Variants in RHBDL3 observed in about 807,000 individuals in gnomAD.
RHBDL3 encodes the protein rhomboid like 3.
Under a neutral mutation model 48.2 loss-of-function variants are expected in RHBDL3, and 28 were observed. That is an observed-to-expected ratio of 0.58 (90% CI 0.43 to 0.80). The LOEUF is 0.80. Among genes scored for constraint, RHBDL3 ranks in the 30% least tolerant of loss-of-function variants. RHBDL3 has a pLI of 0.00. For missense variants in RHBDL3, 464 were observed against 542.7 expected (o/e 0.85, Z 1.44); for synonymous variants, 208 against 232.3 (o/e 0.90, Z 0.95).
At chr17:32,310,722 T>A (rs60502471) in intron 7 of RHBDL3, among the ~76,000 whole-genome samples, 831 of 35,462 alleles carry the variant, frequency 0.023, 36 homozygotes, top group Middle Eastern at 0.071. Flanking sequence ...AAAAAAAATA[T>A]ATATATAAAA....
At chr17:32,303,597 C>G (rs2040637622) in intron 6 of RHBDL3, among the ~76,000 whole-genome samples, 1 of 152,170 alleles carries the variant, frequency 6.6e-6, no homozygotes, top group Non-Finnish European at 1.5e-5. Context: ...TATAGTTGCC[C>G]TGGAAGGGGA....
intron 6 of RHBDL3, 56 bp from the exon 7 acceptor site, chr17:32,305,285 G>T (rs1597672824): frequency 1.7e-6 from 2 of 1,189,126 alleles, no homozygotes; most frequent in East Asian, 2.3e-5. Context: ...CCTGGGGCTG[G>T]GTTGGGTGAG....
At chr17:32,297,266 G>A (rs1274592741) in intron 5 of RHBDL3, among the ~76,000 whole-genome samples, 1 of 150,722 alleles carries the variant, frequency 6.6e-6, no homozygotes, top group African/African-American at 2.4e-5. Context: ...TCAGGAGTTC[G>A]AGACCAGCCT....
intron 2 of RHBDL3, among the ~76,000 whole-genome samples, chr17:32,278,918 GGAGTTCAA>G (rs772817058): frequency 3.9e-5 from 6 of 152,120 alleles, no homozygotes; most frequent in Non-Finnish European, 5.9e-5. Flanking sequence ...CTTGAGGCCA[GGAGTTCAA>G]GACCAGCCTG....
At chr17:32,303,085 A>C (rs1396133872) in intron 6 of RHBDL3, among the ~76,000 whole-genome samples, 1 of 152,090 alleles carries the variant, frequency 6.6e-6, no homozygotes, top group Non-Finnish European at 1.5e-5. Flanking sequence ...CCACAATCCT[A>C]CGCTGACCCC....
At chr17:32,290,137 G>A (rs1011877927) in intron 4 of RHBDL3, among the ~76,000 whole-genome samples, 2 of 152,188 alleles carry the variant, frequency 1.3e-5, no homozygotes, top group Admixed American at 6.5e-5. Context: ...GGACAGAACG[G>A]CTCCTCAGAG....
intron 7 of RHBDL3, among the ~76,000 whole-genome samples, chr17:32,312,586 C>T (rs1439650337): frequency 6.6e-6 from 1 of 152,090 alleles, no homozygotes; most frequent in Non-Finnish European, 1.5e-5. Context: ...GGCGCAATAT[C>T]GTCTCACTGC....
intron 2 of RHBDL3, among the ~76,000 whole-genome samples, chr17:32,278,436 T>C (rs1290051261): frequency 2.6e-5 from 4 of 152,248 alleles, no homozygotes; most frequent in African/African-American, 7.2e-5. Context: ...ACTCACTCTC[T>C]GACCTGGACT....
At chr17:32,274,225 G>A (rs1474099985) in intron 2 of RHBDL3, among the ~76,000 whole-genome samples, 1 of 152,222 alleles carries the variant, frequency 6.6e-6, no homozygotes, top group Non-Finnish European at 1.5e-5. Flanking sequence ...AGGGTGAGAC[G>A]AGGCGTCTGG....
intron 4 of RHBDL3, among the ~76,000 whole-genome samples, chr17:32,292,230 T>C (rs2040348876): frequency 1.3e-5 from 2 of 152,312 alleles, no homozygotes; most frequent in Admixed American, 1.3e-4. Flanking sequence ...AATCAACTTC[T>C]GTGGAATGTT....
intron 1 of RHBDL3, 65 bp downstream of exon 1, chr17:32,266,365 C>A: frequency 1.2e-6 from 1 of 847,016 alleles, no homozygotes; most frequent in South Asian, 1.9e-5. Flanking sequence ...CCGCCCCTGT[C>A]TCGCCCCACG....
At chr17:32,320,113 AAATTTTTTTTTT>A (rs1471494716) in intron 8 of RHBDL3, among the ~76,000 whole-genome samples, 1 of 151,832 alleles carries the variant, frequency 6.6e-6, no homozygotes, top group Admixed American at 6.6e-5. Flanking sequence ...ACAAAAAAAA[AAATTTTTTTTTT>A]AATTACCCAG....
At chr17:32,281,612 G>A (rs1384467513) in intron 2 of RHBDL3, among the ~76,000 whole-genome samples, 1 of 152,158 alleles carries the variant, frequency 6.6e-6, no homozygotes, top group African/African-American at 2.4e-5. Flanking sequence ...GTAGGGGTTG[G>A]CACAGGTGGC....
chr17:32,313,597 C>G (rs990426852), intron 7 of RHBDL3, among the ~76,000 whole-genome samples: 2 of 151,734 alleles, frequency 1.3e-5, no homozygotes, highest in Admixed American at 1.3e-4. Context: ...CCCCTGGCAA[C>G]CACCATTCTA....
At chr17:32,284,883 A>G in intron 3 of RHBDL3, 66 bp downstream of exon 3, 3 of 1,414,430 alleles carry the variant, frequency 2.1e-6, no homozygotes, top group Non-Finnish European at 3.0e-6. Flanking sequence ...CCACACATTT[A>G]AAGGATTTAG....
At chr17:32,270,132 C>CAAAAAAAAAAACAAAAAAAAAAAA (rs2039736876) in intron 2 of RHBDL3, among the ~76,000 whole-genome samples, 1 of 68,106 alleles carries the variant, frequency 1.5e-5, no homozygotes. Flanking sequence ...GACCCTTTCT[C>CAAAAAAAAAAACAAAAAAAAAAAA]AAAAAAAAAA....
intron 7 of RHBDL3, among the ~76,000 whole-genome samples, chr17:32,307,271 G>A (rs1367856203): frequency 6.6e-6 from 1 of 152,170 alleles, no homozygotes; most frequent in Non-Finnish European, 1.5e-5. Flanking sequence ...CTAGATTTTA[G>A]TGAATGAAGG....
chr17:32,284,879 A>T, intron 3 of RHBDL3, 62 bp downstream of exon 3: 1 of 1,407,374 alleles, frequency 7.1e-7, no homozygotes, highest in South Asian at 1.2e-5. Flanking sequence ...GCTTCCACAC[A>T]TTTAAAGGAT....
In RHBDL3 at chr17:32,294,380, T is replaced by C. The variant is rs2040404629; in HGVS notation, c.606T>C (p.Val202=). 4 of 1,614,004 alleles carry C rather than the reference T, an allele frequency of 2.5e-6. No homozygotes were observed. The highest frequency in any genetic ancestry group is 3.4e-6 in the Non-Finnish European group (4 of 1,180,024). The change falls in exon 5 of 9, where the codon GTT becomes GTC. Residue 202 remains valine, a synonymous_variant. Coordinates refer to ENST00000269051, the MANE Select transcript of RHBDL3 (RefSeq NM_138328.3). ...CACGTTACTTGAAGAACTCCCTGGT[T>C]TACCACCCACAGCTGCGAGCACAGG... ...THPRYLKNSL[V]YHPQLRAQVW...
Sources: allele counts gnomAD v4.1 joint callset (sites outside exome capture counted in the v4.1 genomes callset), GRCh38; gene constraint gnomAD v4.1.1; transcripts MANE v1.5; gene names NCBI Gene and HGNC (gene_info 2026-07-23, HGNC 2026-07-21).